FAM120B: variants seen among roughly 807,000 people sequenced by gnomAD.
FAM120B encodes family with sequence similarity 120 member B, also known as constitutive coactivator of peroxisome proliferator-activated receptor gamma.
Under a neutral mutation model 96.3 loss-of-function variants are expected in FAM120B, and 83 were observed. The ratio of observed to expected loss-of-function variants is 0.86; its 90% CI spans 0.72 to 1.03. FAM120B has a LOEUF of 1.03. Ranked by LOEUF, FAM120B falls within the 50% of genes least tolerant of loss-of-function variation. The pLI, the probability that FAM120B is intolerant of heterozygous loss-of-function variation, is 0.00. For missense variants in FAM120B, 1,027 were observed against 1,121.2 expected (o/e 0.92, Z 1.20); for synonymous variants, 407 against 402.7 (o/e 1.01, Z -0.13).
chr6:170,311,696 G>A (rs879446279), intron 1 of FAM120B, among the ~76,000 whole-genome samples: 3 of 152,182 alleles, frequency 2.0e-5, no homozygotes, highest in Admixed American at 2.0e-4. Context: ...GGAGGGCAGG[G>A]ATCTCATCTG....
At chr6:170,361,221 T>TATAC (rs1788397930) in intron 6 of FAM120B, among the ~76,000 whole-genome samples, 2 of 96,824 alleles carry the variant, frequency 2.1e-5, no homozygotes, top group Non-Finnish European at 4.3e-5. Flanking sequence ...TATATATATA[T>TATAC]ATATATATAT....
intron 1 of FAM120B, among the ~76,000 whole-genome samples, chr6:170,297,264 G>A (rs370119657): frequency 1.3e-5 from 2 of 152,290 alleles, no homozygotes; most frequent in Admixed American, 6.5e-5. Flanking sequence ...TGCTCCAGAG[G>A]AGTCCCGGAG....
At chr6:170,308,007 G>A (rs1302688267) in intron 1 of FAM120B, among the ~76,000 whole-genome samples, 1 of 152,166 alleles carries the variant, frequency 6.6e-6, no homozygotes, top group African/African-American at 2.4e-5. Context: ...GTACTCCCAA[G>A]TTCCTCCGTG....
intron 1 of FAM120B, among the ~76,000 whole-genome samples, chr6:170,301,581 C>G (rs1784142958): frequency 6.6e-6 from 1 of 152,184 alleles, no homozygotes; most frequent in African/African-American, 2.4e-5. Flanking sequence ...GCATTGCCAG[C>G]CTGCAAATTT....
intron 3 of FAM120B, among the ~76,000 whole-genome samples, chr6:170,325,455 T>G (rs564386828): frequency 1.3e-5 from 2 of 152,150 alleles, no homozygotes; most frequent in East Asian, 3.9e-4. Context: ...TATTTTCTCA[T>G]TTTCATACTT....
chr6:170,291,006 C>A (rs963639727), upstream of FAM120B: 3 of 702,024 alleles, frequency 4.3e-6, no homozygotes, highest in Admixed American at 6.0e-5. Flanking sequence ...AGCAGCCCCC[C>A]AATCTGGCGA....
intron 6 of FAM120B, among the ~76,000 whole-genome samples, chr6:170,379,288 C>A (rs1350553215): frequency 6.6e-6 from 1 of 151,984 alleles, no homozygotes; most frequent in Non-Finnish European, 1.5e-5. Context: ...ATTTTGTTAC[C>A]AATAGAAATC....
At chr6:170,339,002 T>C (rs931214947) in intron 4 of FAM120B, among the ~76,000 whole-genome samples, 5 of 152,228 alleles carry the variant, frequency 3.3e-5, no homozygotes, top group Admixed American at 2.6e-4. Context: ...TGTCTTTTAA[T>C]TGGGGCATTT....
rs1409336992 is a variant in FAM120B at position 170,366,494 on chromosome 6, G to A, written c.2283+8176G>A. 3.3e-5 allele frequency among the ~76,000 whole-genome samples: 5 copies of A among 152,254 alleles called. No individual in the cohort carries two copies. In the East Asian group the frequency reaches 9.6e-4, roughly 29 times the overall value. Reference sequence around the variant, plus strand: ...GAGGGGCAGGTGCCAGGGCATGAGGGAGAGTGGCGTGTGAGCGCACCTGAG... The same window carrying A: ...GAGGGGCAGGTGCCAGGGCATGAGGAAGAGTGGCGTGTGAGCGCACCTGAG... On this transcript the variant is annotated intron_variant, in intron 6 of 10. Coordinates refer to ENST00000476287, the MANE Select transcript of FAM120B (RefSeq NM_032448.3).
intron 4 of FAM120B, among the ~76,000 whole-genome samples, chr6:170,334,127 TTTCTC>T (rs1343881884): frequency 1.3e-5 from 2 of 152,224 alleles, no homozygotes; most frequent in African/African-American, 2.4e-5. Flanking sequence ...GGTGGCTTTT[TTTCTC>T]TTCTAAGTGT....
intron 2 of FAM120B, among the ~76,000 whole-genome samples, chr6:170,322,399 C>T (rs1441081638): frequency 1.3e-5 from 2 of 152,010 alleles, no homozygotes. Context: ...GTGACATCAG[C>T]AAACCTTAAA....
At chr6:170,365,162 A>G (rs1244286013) in intron 6 of FAM120B, among the ~76,000 whole-genome samples, 1 of 152,230 alleles carries the variant, frequency 6.6e-6, no homozygotes. Context: ...CTTTACCCAC[A>G]TGGAATTGAA....
intron 6 of FAM120B, among the ~76,000 whole-genome samples, chr6:170,368,824 G>GGA (rs1554287935): frequency 1.8e-5 from 2 of 112,700 alleles, no homozygotes; most frequent in African/African-American, 2.9e-5. Flanking sequence ...CGGGGCTGGG[G>GGA]GGGGGGCTCC....
intron 4 of FAM120B, among the ~76,000 whole-genome samples, chr6:170,342,585 C>T (rs956722217): frequency 2.6e-5 from 4 of 152,192 alleles, no homozygotes; most frequent in Admixed American, 2.0e-4. Flanking sequence ...CCTCCAGACA[C>T]CTCTCAGGAC....
chr6:170,348,292 T>C lies in FAM120B; in HGVS notation c.2159T>C (p.Leu720Ser), dbSNP rs1192646973. ...LQAVESPFQA[L>S]CCLLIYLFVQ... Reference sequence around the variant, plus strand: ...GCTGTCGAAAGCCCATTTCAAGCTTTGTGCTGCCTCTTGATCTACCTCTTT... The same window carrying C: ...GCTGTCGAAAGCCCATTTCAAGCTTCGTGCTGCCTCTTGATCTACCTCTTT... The change falls in exon 5 of 11, where the codon TTG (leucine) becomes TCG (serine). Residue 720 changes from leucine (L) to serine (S), a missense_variant. Transcript: ENST00000476287. The C allele has an allele frequency of 1.2e-6, 2 of 1,613,558 alleles. No individual in the cohort carries two copies. The highest frequency in any genetic ancestry group is 3.3e-5 in the Admixed American group (2 of 60,022).
chr6:170,317,589 T>C lies in FAM120B; in HGVS notation c.199T>C (p.Tyr67His). ...SWICGGQWREYFSALRDFVKT... is the reference protein window; with the variant it reads ...SWICGGQWREHFSALRDFVKT... The stretch of plus-strand genomic sequence containing the variant: ...GATCTGCGGTGGCCAGTGGCGAGAA[T>C]ACTTTTCTGCTTTGCGAGATTTTGT... Residue 67 changes from tyrosine (Y) to histidine (H), a missense_variant, in exon 2 of 11, where the codon TAC (tyrosine) becomes CAC (histidine). Tyr to His is a moderately conservative substitution (Grantham distance 83). Around this residue, in one of 3 missense-constraint regions of FAM120B, gnomAD observed 880 missense variants for 980.9 expected, o/e 0.90. Transcript: ENST00000476287. 1 of 1,614,214 alleles carries C rather than the reference T, an allele frequency of 6.2e-7. No homozygotes were observed. The highest frequency in any genetic ancestry group is 8.5e-7 in the Non-Finnish European group (1 of 1,180,040).
intron 8 of FAM120B, among the ~76,000 whole-genome samples, chr6:170,392,333 G>A (rs1371327733): frequency 1.3e-5 from 2 of 152,000 alleles, no homozygotes; most frequent in African/African-American, 2.4e-5. Context: ...TCAGCCTCCC[G>A]AGCAGCTGGG....
At chr6:170,361,086 G>A (rs1368485011) in intron 6 of FAM120B, among the ~76,000 whole-genome samples, 5 of 151,600 alleles carry the variant, frequency 3.3e-5, no homozygotes, top group African/African-American at 7.3e-5. Flanking sequence ...TGGCTCTTCT[G>A]GCAGTGGGTA....
chr6:170,337,624 C>T (rs1786527528), intron 4 of FAM120B, among the ~76,000 whole-genome samples: 1 of 152,174 alleles, frequency 6.6e-6, no homozygotes, highest in Non-Finnish European at 1.5e-5. Flanking sequence ...CCTCTTTGTA[C>T]CTCTGGTAGA....
Sources: gnomAD v4.1 joint callset for allele counts (sites outside exome capture counted in the v4.1 genomes callset) on GRCh38, gnomAD v4.1.1 for gene constraint, gnomAD v4.1.1 regional missense constraint, MANE v1.5 for transcripts, NCBI Gene and HGNC (gene_info 2026-07-23, HGNC 2026-07-21) for gene names.